Variants in ZRANB3 observed in about 807,000 individuals in gnomAD.
ZRANB3 encodes DNA annealing helicase and endonuclease ZRANB3.
ZRANB3 carries 125 observed loss-of-function variants against 133.8 expected under a neutral mutation model. That is an observed-to-expected ratio of 0.93 (90% CI 0.81 to 1.08). The LOEUF is 1.08. Ranked by LOEUF, ZRANB3 falls within the 50% of genes least tolerant of loss-of-function variation. The probability of loss-of-function intolerance (pLI) is 0.00; values close to 1 mark genes in which losing one functional copy is unlikely to be tolerated. For synonymous variants in ZRANB3, 387 were observed against 432.7 expected (o/e 0.89, Z 1.31); for missense variants, 1,229 against 1,275.5 (o/e 0.96, Z 0.56).
chr2:135,511,425 A>C (rs1693446805), intron 1 of ZRANB3: 1 of 816,760 alleles, frequency 1.2e-6, no homozygotes, highest in African/African-American at 1.7e-5. Flanking sequence ...CTGATCACAG[A>C]AAGTTCCAGA....
At position 135,227,907 on chromosome 2, in the gene ZRANB3, G is replaced by C; in HGVS notation, c.2063C>G (p.Ala688Gly). Residue 688 changes from alanine (A) to glycine (G), a missense_variant, in exon 14 of 21, where the codon GCC becomes GGC. By Grantham distance (60) the Ala-to-Gly change is moderately conservative. Transcript: ENST00000264159. ...VQTISDCEKQ[A>G]LAQSEPGQLA... ...CTGGCCAGGTTCTGACTGTGCAAGG[G>C]CTTGTTTTTCACAGTCTGAGATAGT... 3 of 1,562,044 alleles carry C rather than the reference G, an allele frequency of 1.9e-6. No homozygotes were observed. The highest frequency in any genetic ancestry group is 2.6e-6 in the Non-Finnish European group (3 of 1,151,504).
chr2:135,222,934 G>A (rs541053731), intron 15 of ZRANB3, among the ~76,000 whole-genome samples: 61 of 148,470 alleles, frequency 4.1e-4, no homozygotes, highest in African/African-American at 1.5e-3. Flanking sequence ...AACACAGCAA[G>A]ACCCTCTCTC....
At chr2:135,491,001 G>A (rs975488833) in intron 2 of ZRANB3, among the ~76,000 whole-genome samples, 2 of 152,084 alleles carry the variant, frequency 1.3e-5, no homozygotes, top group Non-Finnish European at 2.9e-5. Flanking sequence ...AGTGGGGAGG[G>A]GAGGATGAAG....
chr2:135,466,950 C>T (rs914285522), intron 2 of ZRANB3, among the ~76,000 whole-genome samples: 5 of 152,022 alleles, frequency 3.3e-5, no homozygotes, highest in African/African-American at 1.2e-4. Context: ...TGAGCTACCG[C>T]GCCTGGCTTT....
intron 8 of ZRANB3, among the ~76,000 whole-genome samples, chr2:135,301,427 C>G (rs1477505011): frequency 6.6e-6 from 1 of 152,080 alleles, no homozygotes; most frequent in African/African-American, 2.4e-5. Context: ...CTCAAGTGAT[C>G]TGCCCGCTTA....
chr2:135,315,264 C>T (rs1244910010), intron 7 of ZRANB3, 95 bp downstream of exon 7: 3 of 1,202,880 alleles, frequency 2.5e-6, no homozygotes, highest in African/African-American at 1.6e-5. Context: ...AGAAAGCAAA[C>T]CTTTCCTTCT....
At chr2:135,269,468 T>G (rs1680408016) in intron 10 of ZRANB3, among the ~76,000 whole-genome samples, 1 of 152,154 alleles carries the variant, frequency 6.6e-6, no homozygotes, top group Non-Finnish European at 1.5e-5. Context: ...ACTTTATAAA[T>G]GAGAATACAA....
chr2:135,207,408 C>T (rs1402272587), intron 19 of ZRANB3, 26 bp downstream of exon 19: 1 of 1,571,550 alleles, frequency 6.4e-7, no homozygotes, highest in Non-Finnish European at 8.6e-7. Context: ...ATGCTGCCTT[C>T]TATCTATCAC....
intron 2 of ZRANB3, among the ~76,000 whole-genome samples, chr2:135,479,528 G>A (rs148582575): frequency 2.0e-5 from 3 of 152,058 alleles, no homozygotes; most frequent in East Asian, 1.9e-4. Context: ...CCAGCTACTC[G>A]GAAGGCTGAG....
At chr2:135,264,358 C>A (rs1680115179) in intron 12 of ZRANB3, among the ~76,000 whole-genome samples, 1 of 150,902 alleles carries the variant, frequency 6.6e-6, no homozygotes, top group Non-Finnish European at 1.5e-5. Flanking sequence ...TGTAATCTCA[C>A]CTATTCGGGA....
At chr2:135,245,926 CAAAAAAAAAAAA>C (rs1177438717) in intron 12 of ZRANB3, among the ~76,000 whole-genome samples, 1 of 19,552 alleles carries the variant, frequency 5.1e-5, no homozygotes, top group Non-Finnish European at 7.6e-5. Context: ...AACTCCGTCT[CAAAAAAAAAAAA>C]AAAAAAAAAA....
intron 8 of ZRANB3, among the ~76,000 whole-genome samples, chr2:135,312,714 T>A (rs546323106): frequency 1.9e-3 from 289 of 152,212 alleles, no homozygotes; most frequent in African/African-American, 6.5e-3. Context: ...ATGGGAATAC[T>A]AATAATAAAG....
chr2:135,495,805 T>C (rs1355985930), intron 2 of ZRANB3, among the ~76,000 whole-genome samples: 2 of 152,194 alleles, frequency 1.3e-5, no homozygotes, highest in African/African-American at 4.8e-5. Flanking sequence ...ACTGAGGTTT[T>C]TGAAAACACA....
chr2:135,469,488 A>C (rs1691156496), intron 2 of ZRANB3, among the ~76,000 whole-genome samples: 1 of 152,178 alleles, frequency 6.6e-6, no homozygotes, highest in Non-Finnish European at 1.5e-5. Flanking sequence ...AATAAATTTA[A>C]ATTCATTTTT....
At chr2:135,422,188 G>A (rs535943734) in intron 2 of ZRANB3, among the ~76,000 whole-genome samples, 1 of 151,826 alleles carries the variant, frequency 6.6e-6, no homozygotes, top group Non-Finnish European at 1.5e-5. Flanking sequence ...TGACAGCTAC[G>A]TTTTTCTGCT....
chr2:135,358,610 A>C (rs555420825), intron 3 of ZRANB3, among the ~76,000 whole-genome samples: 73 of 152,346 alleles, frequency 4.8e-4, no homozygotes, highest in African/African-American at 1.7e-3. Flanking sequence ...AATGTAAAAC[A>C]TTAAGTACCA....
intron 15 of ZRANB3, among the ~76,000 whole-genome samples, chr2:135,220,064 G>T (rs1694475701): frequency 6.6e-6 from 1 of 151,766 alleles, no homozygotes; most frequent in Admixed American, 6.6e-5. Context: ...GTAGAGACAG[G>T]TTTTCAACAT....
intron 3 of ZRANB3, among the ~76,000 whole-genome samples, chr2:135,361,805 G>T (rs762531564): frequency 2.0e-5 from 3 of 152,150 alleles, no homozygotes; most frequent in African/African-American, 7.2e-5. Context: ...TATTAAGGGG[G>T]TATATATTTT....
At chr2:135,329,777 C>G (rs1298099272) in intron 6 of ZRANB3, among the ~76,000 whole-genome samples, 1 of 152,166 alleles carries the variant, frequency 6.6e-6, no homozygotes, top group Non-Finnish European at 1.5e-5. Flanking sequence ...TCCTTCACAT[C>G]CTTTGTAAGT....
Sources: allele counts gnomAD v4.1 joint callset (sites outside exome capture counted in the v4.1 genomes callset), GRCh38; gene constraint gnomAD v4.1.1; transcripts MANE v1.5; gene names NCBI Gene and HGNC (gene_info 2026-07-23, HGNC 2026-07-21).